MBD5: variants seen among roughly 807,000 people sequenced by gnomAD.
The protein encoded by MBD5 is methyl-CpG-binding domain protein 5.
A neutral mutation model predicts 117.3 loss-of-function variants in MBD5; 13 were observed. The observed-to-expected ratio is 0.11, with a 90% CI of 0.07 to 0.18. The LOEUF (loss-of-function observed/expected upper bound fraction) is 0.18. Ranked by LOEUF, MBD5 falls within the 10% of genes least tolerant of loss-of-function variation. The pLI, the probability that MBD5 is intolerant of heterozygous loss-of-function variation, is 1.00. For missense variants in MBD5, 1,879 were observed against 2,093.8 expected (o/e 0.90, Z 2.00); for synonymous variants, 727 against 766.4 (o/e 0.95, Z 0.85).
chr2:148,255,071 A>G (rs770321476), intron 3 of MBD5, among the ~76,000 whole-genome samples: 6 of 152,200 alleles, frequency 3.9e-5, no homozygotes, highest in Non-Finnish European at 8.8e-5. Context: ...AGCTGGAAAC[A>G]TTGGTCATCT....
intron 3 of MBD5, among the ~76,000 whole-genome samples, chr2:148,322,797 A>G (rs923133900): frequency 4.6e-5 from 7 of 152,178 alleles, no homozygotes; most frequent in African/African-American, 1.2e-4. Context: ...ACTTTTATAC[A>G]TAAAAACCTG....
intron 4 of MBD5, among the ~76,000 whole-genome samples, chr2:148,456,309 C>T (rs528030852): frequency 6.6e-6 from 1 of 152,150 alleles, no homozygotes; most frequent in African/African-American, 2.4e-5. Context: ...ACTGCAAACT[C>T]ACATGTTGGA....
intron 4 of MBD5, among the ~76,000 whole-genome samples, chr2:148,401,554 G>T (rs774407475): frequency 6.6e-6 from 1 of 152,052 alleles, no homozygotes; most frequent in Non-Finnish European, 1.5e-5. Flanking sequence ...TTCTTCATCT[G>T]TCTGAGCTTA....
At chr2:148,313,071 G>A (rs940651444) in intron 3 of MBD5, among the ~76,000 whole-genome samples, 14 of 152,100 alleles carry the variant, frequency 9.2e-5, no homozygotes, top group African/African-American at 3.1e-4. Flanking sequence ...GAGCTCTCCT[G>A]TATGGGGTGT....
intron 1 of MBD5, among the ~76,000 whole-genome samples, chr2:148,085,428 T>TAA (rs1480276931): frequency 1.3e-5 from 2 of 152,218 alleles, no homozygotes; most frequent in Non-Finnish European, 2.9e-5. Flanking sequence ...CCAGTGCTTT[T>TAA]AAAAGTTTTG....
chr2:148,107,813 T>C (rs1216991230), intron 1 of MBD5, among the ~76,000 whole-genome samples: 1 of 152,176 alleles, frequency 6.6e-6, no homozygotes, highest in Non-Finnish European at 1.5e-5. Flanking sequence ...ATGTTTTACA[T>C]ATAATGTCTT....
rs181718762 is a variant in MBD5 at position 148,200,658 on chromosome 2, G to T, written c.-831+21865G>T. Among the ~76,000 whole-genome samples, 3 of 146,836 alleles carry T rather than the reference G, an allele frequency of 2.0e-5. No homozygotes were observed. In the South Asian group the frequency reaches 6.4e-4, roughly 31 times the overall value. On this transcript the variant is annotated intron_variant, in intron 2 of 13. Coordinates refer to ENST00000642680, the MANE Select transcript of MBD5 (RefSeq NM_001378120.1). ...CAGTGAGCCGATATCACGCCACTTCGCTCCAGCCTGGGTGACAGAGCGAGA... is the reference window on the plus strand; with the variant it reads ...CAGTGAGCCGATATCACGCCACTTCTCTCCAGCCTGGGTGACAGAGCGAGA...
chr2:148,251,899 A>C (rs1346791502), intron 3 of MBD5, among the ~76,000 whole-genome samples: 1 of 152,176 alleles, frequency 6.6e-6, no homozygotes, highest in African/African-American at 2.4e-5. Context: ...GCGCAAAATA[A>C]TAATTGTATT....
intron 1 of MBD5, among the ~76,000 whole-genome samples, chr2:148,158,760 G>C (rs552844117): frequency 2.0e-5 from 3 of 152,118 alleles, no homozygotes; most frequent in African/African-American, 4.8e-5. Context: ...CGCTGTGTCT[G>C]CCAGGCTGGA....
rs796052709 is a variant in MBD5, at chr2:148,469,324, C to T, written c.1381C>T (p.Arg461Cys). 10 of 1,613,652 alleles carry T rather than the reference C, an allele frequency of 6.2e-6. No individual in the cohort carries two copies. The highest frequency in any genetic ancestry group is 2.2e-5 in the East Asian group (1 of 44,840). ...GRIEASPQRS[R>C]SSSTSSDHGN... ...GATTGAGGCATCGCCCCAAAGATCA[C>T]GCTCATCTTCCACATCATCAGATCA... The change falls in exon 8 of 14, where the codon CGC becomes TGC. Residue 461 changes from arginine (R) to cysteine (C), a missense_variant. By Grantham distance (180) the Arg-to-Cys change is radical. This residue lies in a region of MBD5 where 1,666 missense variants were observed against 1,792.2 expected (regional missense o/e 0.93). Coordinates refer to ENST00000642680, the MANE Select transcript of MBD5 (RefSeq NM_001378120.1).
chr2:148,401,114 T>A (rs947072184), intron 4 of MBD5, among the ~76,000 whole-genome samples: 6 of 152,186 alleles, frequency 3.9e-5, no homozygotes, highest in Admixed American at 6.5e-5. Context: ...TAAAATCAAA[T>A]TAACTATGTC....
rs182072904 is a variant in MBD5, at chr2:148,328,724, G to T, written c.-679-13490G>T. Reference sequence around the variant, plus strand: ...CTCGCACATGGTGCGTGCACCCACTGACCTGCGCCCACTGTCTGGCACTCC... The same window carrying T: ...CTCGCACATGGTGCGTGCACCCACTTACCTGCGCCCACTGTCTGGCACTCC... On this transcript the variant is annotated intron_variant, in intron 3 of 13. Coordinates refer to ENST00000642680, the MANE Select transcript of MBD5 (RefSeq NM_001378120.1). 3.8e-3 allele frequency among the ~76,000 whole-genome samples: 582 copies of T among 152,300 alleles called. 1 individual carries two copies. Among genetic ancestry groups the T allele is most frequent in the Admixed American group, 7.4e-3 (114 of 15,306 alleles).
At chr2:148,458,997 A>G in intron 5 of MBD5, 126 bp downstream of exon 5, 1 of 792,142 alleles carries the variant, frequency 1.3e-6, no homozygotes. Flanking sequence ...CTAGAAACAT[A>G]TGAGAATTTT....
chr2:148,427,363 T>G (rs1388576346), intron 4 of MBD5, among the ~76,000 whole-genome samples: 4 of 152,202 alleles, frequency 2.6e-5, no homozygotes, highest in Admixed American at 2.0e-4. Flanking sequence ...GTATGTTTAC[T>G]GCGGCACTAT....
At chr2:148,228,945 C>G (rs1163287150) in intron 2 of MBD5, among the ~76,000 whole-genome samples, 1 of 152,110 alleles carries the variant, frequency 6.6e-6, no homozygotes, top group Non-Finnish European at 1.5e-5. Context: ...TCTGTGGGAT[C>G]GCTGGTGATA....
rs1471094594 is a variant in MBD5, at chr2:148,197,323, A to T, written c.-831+18530A>T. ...CAGCCTTAAAGGTGCCCCAGCTGGTACCAAGTGGAGCAGAGACAAACTATC... is the reference window on the plus strand; with the variant it reads ...CAGCCTTAAAGGTGCCCCAGCTGGTTCCAAGTGGAGCAGAGACAAACTATC... On this transcript the variant is annotated intron_variant, in intron 2 of 13. Transcript: ENST00000642680. 2.6e-5 allele frequency among the ~76,000 whole-genome samples: 4 copies of T among 152,308 alleles called. No homozygotes were observed. The East Asian group carries it at 7.7e-4, about 29-fold the overall frequency.
intron 4 of MBD5, among the ~76,000 whole-genome samples, chr2:148,443,390 T>A (rs999547762): frequency 6.6e-6 from 1 of 151,328 alleles, no homozygotes; most frequent in Non-Finnish European, 1.5e-5. Context: ...ATCTCACTCC[T>A]AGGTAGATAC....
intron 1 of MBD5, among the ~76,000 whole-genome samples, chr2:148,164,416 C>T (rs1698080066): frequency 6.6e-6 from 1 of 151,828 alleles, no homozygotes. Flanking sequence ...GAGAAGGGGA[C>T]ATTTGGAGAG....
At chr2:148,506,200 A>G (rs895311292) in intron 12 of MBD5, among the ~76,000 whole-genome samples, 5 of 152,230 alleles carry the variant, frequency 3.3e-5, no homozygotes, top group African/African-American at 1.2e-4. Context: ...CCTAGTAGTA[A>G]CATATTTATT....
Sources: allele counts gnomAD v4.1 joint callset (sites outside exome capture counted in the v4.1 genomes callset), GRCh38; gene constraint gnomAD v4.1.1; regional missense constraint gnomAD v4.1.1; transcripts MANE v1.5; gene names NCBI Gene and HGNC (gene_info 2026-07-23, HGNC 2026-07-21).